Variants in KLHL13 observed in about 807,000 individuals in gnomAD.
The protein encoded by KLHL13 is kelch like family member 13.
A neutral mutation model predicts 37.1 loss-of-function variants in KLHL13; 10 were observed. The observed-to-expected ratio is 0.27, with a 90% CI of 0.17 to 0.46. The LOEUF is 0.46. KLHL13 is among the 20% of genes least tolerant of loss of function. KLHL13 has a pLI of 1.00. For missense variants in KLHL13, 360 were observed against 509.3 expected (o/e 0.71, Z 2.82); for synonymous variants, 163 against 181.2 (o/e 0.90, Z 0.81).
chrX:118,026,264 A>T (rs2054274128), intron 1 of KLHL13, among the ~76,000 whole-genome samples: 1 of 112,051 alleles, frequency 8.9e-6, no homozygotes, highest in East Asian at 2.8e-4. Context: ...AATAATTAAA[A>T]TCTCACTTTT....
intron 2 of KLHL13, among the ~76,000 whole-genome samples, chrX:117,921,400 C>A (rs1300955411): frequency 9.0e-6 from 1 of 110,997 alleles, no homozygotes; most frequent in Non-Finnish European, 1.9e-5. Context: ...TTAAGAATAA[C>A]GAATTTAAAA....
At chrX:118,064,596 ACT>A (rs2054776872) in intron 1 of KLHL13, among the ~76,000 whole-genome samples, 1 of 112,088 alleles carries the variant, frequency 8.9e-6, no homozygotes. Flanking sequence ...TATGTTTGAC[ACT>A]GAGACTGTCT....
Position 117,913,343 on chromosome X carries a change from G to A in KLHL13, c.571-3247C>T, listed in dbSNP as rs944219329. Among the ~76,000 whole-genome samples the A allele has an allele frequency of 7.2e-5, 8 of 111,592 alleles. No homozygotes were observed. In the Admixed American group the frequency reaches 7.6e-4, roughly 11 times the overall value. ...TTGGATATCCATAAATGGATAATTGGACTTATAATGCAATTTACATATATA... is the reference window on the plus strand; with the variant it reads ...TTGGATATCCATAAATGGATAATTGAACTTATAATGCAATTTACATATATA... On this transcript the variant is annotated intron_variant, in intron 4 of 6. Coordinates refer to ENST00000262820, the Ensembl canonical transcript of KLHL13.
At chrX:118,000,943 G>C (rs997333040) in intron 1 of KLHL13, among the ~76,000 whole-genome samples, 1 of 111,839 alleles carries the variant, frequency 8.9e-6, no homozygotes, top group Non-Finnish European at 1.9e-5. Context: ...CTTGTCTCAA[G>C]GGTTTCATAT....
chrX:118,022,788 C>T (rs895778855), intron 1 of KLHL13, among the ~76,000 whole-genome samples: 3 of 111,697 alleles, frequency 2.7e-5, no homozygotes, highest in Admixed American at 9.5e-5. Flanking sequence ...TGTAGGCTGC[C>T]TTTTCGTTTT....
At chrX:117,927,042 A>C (rs1216738685) in intron 2 of KLHL13, among the ~76,000 whole-genome samples, 1 of 107,047 alleles carries the variant, frequency 9.3e-6, no homozygotes, top group African/African-American at 3.4e-5. Flanking sequence ...AGTAGCTGGG[A>C]CTATAGGCGC....
intron 1 of KLHL13, among the ~76,000 whole-genome samples, chrX:117,982,260 T>C (rs1048561034): frequency 6.3e-5 from 7 of 111,187 alleles, no homozygotes; most frequent in African/African-American, 2.3e-4. Context: ...TAAATTACTT[T>C]ACAATAAAAA....
chrX:118,086,924 C>A (rs1319283301), intron 1 of KLHL13, among the ~76,000 whole-genome samples: 3 of 110,620 alleles, frequency 2.7e-5, no homozygotes, highest in Non-Finnish European at 5.7e-5. Context: ...TGATGAAATA[C>A]AAATTTGGTG....
At chrX:118,110,536 G>A (rs1182287293) in intron 1 of KLHL13, among the ~76,000 whole-genome samples, 2 of 109,149 alleles carry the variant, frequency 1.8e-5, no homozygotes, top group Non-Finnish European at 3.8e-5. Flanking sequence ...ATGTCACCAC[G>A]CCCAGCTCAT....
intron 1 of KLHL13, among the ~76,000 whole-genome samples, chrX:117,958,613 G>A (rs1208732101): frequency 9.2e-6 from 1 of 108,428 alleles, no homozygotes; most frequent in Admixed American, 1.0e-4. Flanking sequence ...TATGTGCCAG[G>A]CACCACACTA....
intron 5 of KLHL13, among the ~76,000 whole-genome samples, chrX:117,905,062 C>T (rs745872297): frequency 4.4e-4 from 49 of 111,249 alleles, no homozygotes; most frequent in African/African-American, 1.6e-3. Flanking sequence ...ATCATTTAAA[C>T]AGTGATGGCT....
intron 1 of KLHL13, among the ~76,000 whole-genome samples, chrX:118,025,645 T>C (rs2054266844): frequency 8.9e-6 from 1 of 112,061 alleles, no homozygotes; most frequent in Non-Finnish European, 1.9e-5. Context: ...TCAAAGTTCT[T>C]GACTTACAAA....
At chrX:118,051,444 G>A (rs972611325) in intron 1 of KLHL13, among the ~76,000 whole-genome samples, 1 of 109,556 alleles carries the variant, frequency 9.1e-6, no homozygotes, top group African/African-American at 3.3e-5. Flanking sequence ...AGGAGGCCGA[G>A]GCAGGAGAAT....
chrX:118,021,020 T>C (rs1383190603), intron 1 of KLHL13, among the ~76,000 whole-genome samples: 1 of 93,910 alleles, frequency 1.1e-5, no homozygotes, highest in African/African-American at 3.8e-5. Flanking sequence ...AGGGATAGCA[T>C]TGGGAGATAT....
chrX:117,921,443 G>A (rs1393581731), intron 2 of KLHL13, among the ~76,000 whole-genome samples: 1 of 111,339 alleles, frequency 9.0e-6, no homozygotes, highest in Non-Finnish European at 1.9e-5. Context: ...TACACCAAAA[G>A]GGAACAATAT....
intron 1 of KLHL13, chrX:117,947,527 A>G (rs1374356793): frequency 8.9e-6 from 1 of 112,227 alleles, no homozygotes; most frequent in East Asian, 2.8e-4. Context: ...TGAGTAAACT[A>G]CAAGTAACAA....
chrX:118,052,644 G>C (rs749417446), intron 1 of KLHL13, among the ~76,000 whole-genome samples: 1 of 107,758 alleles, frequency 9.3e-6, no homozygotes, highest in South Asian at 4.1e-4. Context: ...TGGCCAACAT[G>C]GTGAAACCCC....
At chrX:117,973,981 A>G (rs2053566609), upstream of KLHL13, among the ~76,000 whole-genome samples, 1 of 109,985 alleles carries the variant, frequency 9.1e-6, no homozygotes, top group African/African-American at 3.3e-5. Context: ...GAGGTTCAAA[A>G]ATTGAAGCTG....
chrX:118,098,866 A>C (rs2055246602), intron 1 of KLHL13, among the ~76,000 whole-genome samples: 2 of 97,593 alleles, frequency 2.0e-5, no homozygotes, highest in South Asian at 5.9e-4. Context: ...ATAGGTGGGA[A>C]TTGAACAATG....
Sources: allele counts gnomAD v4.1 joint callset (sites outside exome capture counted in the v4.1 genomes callset), GRCh38; gene constraint gnomAD v4.1.1; transcripts MANE v1.5; gene names NCBI Gene and HGNC (gene_info 2026-07-23, HGNC 2026-07-21).